FOCAD: variants seen among roughly 807,000 people sequenced by gnomAD.
FOCAD encodes the protein KIAA1797.
A neutral mutation model predicts 225.6 loss-of-function variants in FOCAD; 198 were observed. The ratio of observed to expected loss-of-function variants is 0.88; its 90% CI spans 0.78 to 0.99. The LOEUF is 0.99. Among genes scored for constraint, FOCAD ranks in the 50% least tolerant of loss-of-function variants. The probability of loss-of-function intolerance (pLI) is 0.00; values close to 1 mark genes in which losing one functional copy is unlikely to be tolerated. For synonymous variants in FOCAD, 897 were observed against 755.0 expected, an observed-to-expected ratio of 1.19 and a Z score of -3.08; for missense variants, 2,713 against 2,123.6, an observed-to-expected ratio of 1.28 and a Z score of -5.46.
intron 28 of FOCAD, among the ~76,000 whole-genome samples, chr9:20,933,493 C>T (rs1835678126): frequency 6.6e-6 from 1 of 152,178 alleles, no homozygotes; most frequent in South Asian, 2.1e-4. Flanking sequence ...ATAATAGTCT[C>T]CAGTCTCATC....
intron 36 of FOCAD, among the ~76,000 whole-genome samples, chr9:20,976,978 C>G (rs1401747702): frequency 6.6e-6 from 1 of 152,140 alleles, no homozygotes; most frequent in Admixed American, 6.6e-5. Flanking sequence ...TGTCCATAGG[C>G]CAGAAGTCCA....
At chr9:20,934,586 T>C (rs1835781402) in intron 28 of FOCAD, among the ~76,000 whole-genome samples, 1 of 152,118 alleles carries the variant, frequency 6.6e-6, no homozygotes, top group Admixed American at 6.6e-5. Flanking sequence ...TCTATTCTGT[T>C]CCGTTGTTCT....
At chr9:20,719,553 G>A (rs542576185) in intron 3 of FOCAD, among the ~76,000 whole-genome samples, 1 of 151,860 alleles carries the variant, frequency 6.6e-6, no homozygotes, top group East Asian at 1.9e-4. Flanking sequence ...GACTTTATCT[G>A]CAATATAGTC....
chr9:20,922,133 T>G (rs1175873021), intron 24 of FOCAD, among the ~76,000 whole-genome samples: 1 of 152,254 alleles, frequency 6.6e-6, no homozygotes, highest in Non-Finnish European at 1.5e-5. Context: ...CACCTAGGAA[T>G]GACCAAATCC....
At chr9:20,727,537 C>G (rs1046787125) in intron 4 of FOCAD, among the ~76,000 whole-genome samples, 2 of 152,140 alleles carry the variant, frequency 1.3e-5, no homozygotes, top group East Asian at 1.9e-4. Context: ...TTTAAAGAAG[C>G]ATTTTTTTGG....
At chr9:20,867,803 C>T (rs1029726345) in intron 18 of FOCAD, among the ~76,000 whole-genome samples, 1 of 151,968 alleles carries the variant, frequency 6.6e-6, no homozygotes, top group African/African-American at 2.4e-5. Flanking sequence ...TTTGAAGTTA[C>T]GTGGCAAGAA....
chr9:20,825,683 A>G (rs7851807), intron 15 of FOCAD, among the ~76,000 whole-genome samples: 39,125 of 152,006 alleles, frequency 0.26, 5,333 homozygotes, highest in Middle Eastern at 0.33. Context: ...TGCTTTTTTC[A>G]CCCTTAGGTT....
chr9:20,807,657 T>C (rs559976431), intron 11 of FOCAD, among the ~76,000 whole-genome samples: 33 of 152,342 alleles, frequency 2.2e-4, no homozygotes, highest in Admixed American at 1.2e-3. Flanking sequence ...TTTCAAATGC[T>C]CAGTGGCCAT....
intron 15 of FOCAD, among the ~76,000 whole-genome samples, chr9:20,842,623 G>T (rs1008200017): frequency 6.6e-6 from 1 of 151,818 alleles, no homozygotes; most frequent in African/African-American, 2.4e-5. Context: ...TATAGGTTAA[G>T]TATGTTTCTT....
intron 22 of FOCAD, among the ~76,000 whole-genome samples, chr9:20,912,484 T>C (rs1833519726): frequency 1.3e-5 from 2 of 152,144 alleles, no homozygotes. Context: ...ATTATAATAC[T>C]GGTGTATGGT....
chr9:20,745,726 C>A (rs1827988752), intron 5 of FOCAD, among the ~76,000 whole-genome samples: 1 of 152,126 alleles, frequency 6.6e-6, no homozygotes, highest in Admixed American at 6.5e-5. Context: ...GGCTGACATG[C>A]ACAAATATCA....
At chr9:20,763,117 CA>C (rs368039188) in intron 6 of FOCAD, among the ~76,000 whole-genome samples, 27 of 152,176 alleles carry the variant, frequency 1.8e-4, no homozygotes, top group African/African-American at 6.3e-4. Context: ...ATGTGAAAAA[CA>C]TTAGAAAATA....
chr9:20,892,618 G>A (rs1831713213), intron 21 of FOCAD, among the ~76,000 whole-genome samples: 1 of 152,004 alleles, frequency 6.6e-6, no homozygotes, highest in Admixed American at 6.6e-5. Flanking sequence ...TTGCTTCTTA[G>A]GGATGAACAG....
intron 5 of FOCAD, among the ~76,000 whole-genome samples, chr9:20,747,601 T>C (rs953895649): frequency 3.3e-5 from 5 of 152,076 alleles, no homozygotes; most frequent in Non-Finnish European, 2.9e-5. Context: ...TCCCCAATAC[T>C]CTCTATTCCC....
At chr9:20,678,669 A>G (rs1822307978) in intron 2 of FOCAD, among the ~76,000 whole-genome samples, 1 of 152,190 alleles carries the variant, frequency 6.6e-6, no homozygotes, top group Non-Finnish European at 1.5e-5. Flanking sequence ...AGGGAAGTGA[A>G]GATAGTAATT....
intron 11 of FOCAD, among the ~76,000 whole-genome samples, chr9:20,801,786 G>A (rs562484610): frequency 9.9e-5 from 15 of 152,256 alleles, no homozygotes; most frequent in African/African-American, 3.1e-4. Context: ...GTCACACACA[G>A]TCACAATTAT....
chr9:20,925,058 T>C (rs1185058919), intron 25 of FOCAD, among the ~76,000 whole-genome samples: 1 of 152,174 alleles, frequency 6.6e-6, no homozygotes, highest in Non-Finnish European at 1.5e-5. Context: ...GCAAAAGCCA[T>C]GGATATATAT....
chr9:20,919,390 CAAGGT>C (rs1410638726), intron 24 of FOCAD, among the ~76,000 whole-genome samples: 1 of 152,140 alleles, frequency 6.6e-6, no homozygotes, highest in Non-Finnish European at 1.5e-5. Flanking sequence ...CCATACTGCC[CAAGGT>C]AATTTATAGA....
intron 29 of FOCAD, 31 bp downstream of exon 29, chr9:20,944,805 T>G (rs1279663095): frequency 1.3e-6 from 2 of 1,583,174 alleles, no homozygotes; most frequent in Non-Finnish European, 1.7e-6. Flanking sequence ...TTTTTTCCCC[T>G]CTGCTCTCTT....
Sources: gnomAD v4.1 joint callset for allele counts (sites outside exome capture counted in the v4.1 genomes callset) on GRCh38, gnomAD v4.1.1 for gene constraint, MANE v1.5 for transcripts, NCBI Gene and HGNC (gene_info 2026-07-23, HGNC 2026-07-21) for gene names.